The following AKAP13 variants were observed in gnomAD, a reference collection of about 807,000 sequenced individuals.
AKAP13 encodes the protein A-kinase anchoring protein 13.
In AKAP13, 80 loss-of-function variants were observed where a neutral mutation model predicts 264.5. The observed-to-expected ratio is 0.30, with a 90% CI of 0.25 to 0.36. The LOEUF (loss-of-function observed/expected upper bound fraction) is 0.36, where lower values mean the gene tolerates loss of function less well. Ranked by LOEUF, AKAP13 falls within the 10% of genes least tolerant of loss-of-function variation. The pLI is 1.00. For synonymous variants in AKAP13, 1,380 were observed against 1,250.2 expected (o/e 1.10, Z -2.19); for missense variants, 3,712 against 3,435.2 (o/e 1.08, Z -2.01).
At chr15:85,742,102 G>T (rs2089056536) in intron 35 of AKAP13, among the ~76,000 whole-genome samples, 1 of 152,218 alleles carries the variant, frequency 6.6e-6, no homozygotes, top group Non-Finnish European at 1.5e-5. Flanking sequence ...GAGGCAGAAA[G>T]TCTTCTTCTG....
intron 6 of AKAP13, 128 bp from the exon 7 acceptor site, chr15:85,578,802 G>A (rs1462423283): frequency 9.9e-6 from 8 of 804,494 alleles, no homozygotes; most frequent in South Asian, 1.9e-5. Context: ...TTTTAGATTC[G>A]CTTATCATGT....
intron 12 of AKAP13, among the ~76,000 whole-genome samples, chr15:85,663,478 A>AAAAT (rs927600547): frequency 2.0e-5 from 3 of 152,194 alleles, no homozygotes; most frequent in South Asian, 2.1e-4. Context: ...TTACAAAACC[A>AAAAT]AAATAAATAA....
intron 2 of AKAP13, among the ~76,000 whole-genome samples, chr15:85,495,623 A>C (rs1015543673): frequency 2.0e-5 from 3 of 152,188 alleles, no homozygotes; most frequent in African/African-American, 7.2e-5. Context: ...GTGAGATTTC[A>C]ATTTTTTCCA....
In AKAP13 at chr15:85,735,240, C is replaced by T. The variant is rs111334095; in HGVS notation, c.7441+90C>T. The T allele has an allele frequency of 5.3e-4, 800 of 1,496,848 alleles. 5 individuals are homozygous for T. The highest frequency in any genetic ancestry group is 5.5e-4 in the South Asian group (41 of 74,724). 92.7% of individuals were successfully genotyped at this position (1,496,848 alleles called of 1,614,324 possible). A position where few individuals can be genotyped will look rare whatever the true frequency, so the allele number is the denominator to read the frequency against. On this transcript the variant is annotated intron_variant, in intron 31 of 36. Transcript: ENST00000394518. ...ACTTGTACTTTAGTAGCTACATCAC[C>T]GCTCCCAATCAGCAAATTTCTTAGT... is the stretch of plus-strand genomic sequence containing the variant.
intron 5 of AKAP13, among the ~76,000 whole-genome samples, chr15:85,553,822 T>C (rs1394015528): frequency 6.6e-6 from 1 of 152,184 alleles, no homozygotes; most frequent in East Asian, 1.9e-4. Flanking sequence ...GTGGTGACAT[T>C]AGATTCTCAT....
rs768540400 is a variant in AKAP13, at chr15:85,741,386, A to T, written c.7949A>T (p.Asp2650Val). The T allele has an allele frequency of 1.3e-5, 21 of 1,614,018 alleles. No homozygotes were observed. The highest frequency in any genetic ancestry group is 1.8e-5 in the Non-Finnish European group (21 of 1,179,954). Residue 2650 changes from aspartate (D) to valine (V), a missense_variant, in exon 35 of 37, where the codon GAC becomes GTC. Asp to Val is a radical substitution (Grantham distance 152). Coordinates refer to ENST00000394518, the MANE Select transcript of AKAP13 (RefSeq NM_007200.5). ...LQQKKGTYQY[D>V]LERLRAAQKQ... The stretch of plus-strand genomic sequence containing the variant: ...CAGAAGAAGGGCACATACCAGTATG[A>T]CCTGGAGCGACTGCGTGCTGCCCAG...
Position 85,736,219 on chromosome 15 carries a change from T to TC in AKAP13, c.7557+86dup, listed in dbSNP as rs1597223605. ...ATATTGTTTTTTCCTTTTTTTTTTTTCTTTTTGCTGTTACAAAGAGGCTAA... is the reference window on the plus strand; with the variant it reads ...ATATTGTTTTTTCCTTTTTTTTTTTTCCTTTTTGCTGTTACAAAGAGGCTAA... On this transcript the variant is annotated intron_variant, in intron 33 of 36. Transcript: ENST00000394518. 10 of 1,198,436 alleles carry TC rather than the reference T, an allele frequency of 8.3e-6. No homozygotes were observed. The East Asian group carries it at 2.1e-4, about 26-fold the overall frequency. 74.2% of individuals were successfully genotyped at this position (1,198,436 alleles called of 1,614,324 possible). A position where few individuals can be genotyped will look rare whatever the true frequency, so the allele number is the denominator to read the frequency against.
intron 5 of AKAP13, among the ~76,000 whole-genome samples, chr15:85,553,516 A>G (rs893316718): frequency 6.6e-6 from 1 of 152,202 alleles, no homozygotes; most frequent in African/African-American, 2.4e-5. Context: ...CTGTCAAACT[A>G]TTTATCCATT....
At chr15:85,598,496 A>G (rs2079917344) in intron 8 of AKAP13, among the ~76,000 whole-genome samples, 2 of 152,240 alleles carry the variant, frequency 1.3e-5, no homozygotes, top group South Asian at 4.1e-4. Context: ...AAACATTTGT[A>G]GCAAAGATTC....
chr15:85,643,009 C>T (rs980010584), intron 9 of AKAP13, among the ~76,000 whole-genome samples: 3 of 137,718 alleles, frequency 2.2e-5, no homozygotes, highest in Non-Finnish European at 4.7e-5. Context: ...ACTACATACT[C>T]TAGGAAACGT....
At chr15:85,658,701 C>A in intron 12 of AKAP13, 111 bp downstream of exon 12, 4 of 838,532 alleles carry the variant, frequency 4.8e-6, no homozygotes, top group South Asian at 2.9e-5. Context: ...AAGTAATGTC[C>A]CATCTAATTC....
At chr15:85,390,868 T>C (rs1184292950) in intron 1 of AKAP13, among the ~76,000 whole-genome samples, 1 of 152,242 alleles carries the variant, frequency 6.6e-6, no homozygotes, top group African/African-American at 2.4e-5. Flanking sequence ...ATCAGTTTGC[T>C]GAGAGGTTGA....
At chr15:85,540,236 C>T (rs2077537635) in intron 4 of AKAP13, among the ~76,000 whole-genome samples, 3 of 152,164 alleles carry the variant, frequency 2.0e-5, no homozygotes, top group Non-Finnish European at 1.5e-5. Flanking sequence ...TCCACAGGCA[C>T]AGGCTAGTGC....
At chr15:85,691,646 T>C (rs1436213198) in intron 16 of AKAP13, among the ~76,000 whole-genome samples, 2 of 152,218 alleles carry the variant, frequency 1.3e-5, no homozygotes, top group Non-Finnish European at 2.9e-5. Flanking sequence ...TTAGAGCTCC[T>C]GACTCTCAGC....
chr15:85,497,153 C>A (rs545415141), intron 2 of AKAP13, among the ~76,000 whole-genome samples: 1 of 152,300 alleles, frequency 6.6e-6, no homozygotes, highest in African/African-American at 2.4e-5. Flanking sequence ...AGGAGTCTTG[C>A]TGTCCAAGAA....
intron 2 of AKAP13, among the ~76,000 whole-genome samples, chr15:85,506,383 G>C (rs1456652116): frequency 6.6e-6 from 1 of 152,108 alleles, no homozygotes; most frequent in Non-Finnish European, 1.5e-5. Flanking sequence ...AGAACAACGA[G>C]ACATACCTTT....
chr15:85,737,390 T>G (rs2088618781), intron 33 of AKAP13, among the ~76,000 whole-genome samples: 1 of 152,180 alleles, frequency 6.6e-6, no homozygotes, highest in South Asian at 2.1e-4. Context: ...GTATCTGACT[T>G]TGTAAGCAGA....
intron 2 of AKAP13, among the ~76,000 whole-genome samples, chr15:85,498,987 T>C (rs140576679): frequency 6.6e-6 from 1 of 152,348 alleles, no homozygotes; most frequent in Non-Finnish European, 1.5e-5. Context: ...AAGCCTCCTA[T>C]GAATTAAATT....
At chr15:85,630,457 C>A (rs184752373) in intron 8 of AKAP13, among the ~76,000 whole-genome samples, 1 of 152,318 alleles carries the variant, frequency 6.6e-6, no homozygotes, top group East Asian at 1.9e-4. Flanking sequence ...TCATTGTCTA[C>A]TATGCAAGAT....
Sources: allele counts gnomAD v4.1 joint callset (sites outside exome capture counted in the v4.1 genomes callset), GRCh38; gene constraint gnomAD v4.1.1; transcripts MANE v1.5; gene names NCBI Gene and HGNC (gene_info 2026-07-23, HGNC 2026-07-21).